Variants in GPC5 observed in about 807,000 individuals in gnomAD.
The protein encoded by GPC5 is glypican-5.
In GPC5, 47 loss-of-function variants were observed where a neutral mutation model predicts 53.9. That is an observed-to-expected ratio of 0.87 (90% CI 0.69 to 1.11). The LOEUF is 1.11. GPC5 is among the 50% of genes most tolerant of loss of function. The pLI is 0.00. For missense variants in GPC5, 748 were observed against 713.1 expected (o/e 1.05, Z -0.56); for synonymous variants, 286 against 263.3 (o/e 1.09, Z -0.84).
chr13:92,703,309 A>G (rs1887823592), intron 7 of GPC5, among the ~76,000 whole-genome samples: 1 of 151,564 alleles, frequency 6.6e-6, no homozygotes, highest in Non-Finnish European at 1.5e-5. Flanking sequence ...GGGCTGGGCT[A>G]AGGAATAGGA....
chr13:92,143,956 A>G (rs979073384), intron 6 of GPC5, among the ~76,000 whole-genome samples: 8 of 152,264 alleles, frequency 5.3e-5, no homozygotes, highest in Middle Eastern at 3.4e-3. Context: ...TTCATAATAT[A>G]CTAGTACCCT....
chr13:92,270,442 G>A (rs1358501547), intron 7 of GPC5, among the ~76,000 whole-genome samples: 1 of 152,142 alleles, frequency 6.6e-6, no homozygotes, highest in African/African-American at 2.4e-5. Context: ...CCTGTGTAAA[G>A]TGCTGGCTCC....
intron 2 of GPC5, among the ~76,000 whole-genome samples, chr13:91,458,159 C>A (rs941575826): frequency 1.3e-5 from 2 of 151,980 alleles, no homozygotes; most frequent in Non-Finnish European, 2.9e-5. Context: ...CTGGGAGAAA[C>A]ACATTCCAGG....
intron 7 of GPC5, among the ~76,000 whole-genome samples, chr13:92,179,486 C>A (rs1057438721): frequency 1.3e-5 from 2 of 152,186 alleles, no homozygotes; most frequent in Non-Finnish European, 2.9e-5. Flanking sequence ...ACTAATTTGT[C>A]GTGGTCTCTC....
intron 7 of GPC5, among the ~76,000 whole-genome samples, chr13:92,807,641 T>C (rs1418478325): frequency 6.6e-6 from 1 of 152,116 alleles, no homozygotes; most frequent in Non-Finnish European, 1.5e-5. Context: ...GGGAACGTTG[T>C]TTATAGAATA....
chr13:92,617,299 T>A (rs752994528), intron 7 of GPC5, among the ~76,000 whole-genome samples: 5 of 152,152 alleles, frequency 3.3e-5, no homozygotes, highest in Non-Finnish European at 7.4e-5. Context: ...TAGAAGCTAG[T>A]GGTATCATAA....
intron 7 of GPC5, among the ~76,000 whole-genome samples, chr13:92,789,866 A>C (rs1321758145): frequency 6.6e-6 from 1 of 152,142 alleles, no homozygotes; most frequent in Non-Finnish European, 1.5e-5. Context: ...GGAGCAGGGA[A>C]GCCAGTCCAA....
intron 2 of GPC5, among the ~76,000 whole-genome samples, chr13:91,526,393 G>A (rs1380916170): frequency 3.3e-5 from 5 of 152,148 alleles, no homozygotes; most frequent in Non-Finnish European, 5.9e-5. Flanking sequence ...TCATAGCCTT[G>A]TGTATGAGTA....
At chr13:91,645,747 C>T (rs2034543612) in intron 2 of GPC5, among the ~76,000 whole-genome samples, 2 of 152,172 alleles carry the variant, frequency 1.3e-5, no homozygotes, top group South Asian at 4.1e-4. Context: ...GTCCTCTATG[C>T]TGATGTTTCT....
chr13:92,509,585 G>A (rs1245739873), intron 7 of GPC5: 1 of 152,168 alleles, frequency 6.6e-6, no homozygotes, highest in Non-Finnish European at 1.5e-5. Context: ...ATAAAGATGT[G>A]ATCGAGATGA....
At chr13:92,772,180 C>A (rs67037212) in intron 7 of GPC5, among the ~76,000 whole-genome samples, 1 of 152,026 alleles carries the variant, frequency 6.6e-6, no homozygotes, top group Non-Finnish European at 1.5e-5. Context: ...CTCCCACTTC[C>A]CTGATTCCAA....
At chr13:91,804,340 G>T (rs1395297652) in intron 5 of GPC5, among the ~76,000 whole-genome samples, 1 of 152,164 alleles carries the variant, frequency 6.6e-6, no homozygotes, top group Non-Finnish European at 1.5e-5. Flanking sequence ...TATAGCTATA[G>T]CTCTCGTCTG....
chr13:92,087,051 T>C (rs543157616), intron 6 of GPC5, among the ~76,000 whole-genome samples: 1 of 152,324 alleles, frequency 6.6e-6, no homozygotes, highest in South Asian at 2.1e-4. Flanking sequence ...AGTGAAAAAT[T>C]ATGTTTAGAT....
chr13:92,670,441 T>C (rs1046141332), intron 7 of GPC5, among the ~76,000 whole-genome samples: 44 of 152,194 alleles, frequency 2.9e-4, no homozygotes, highest in African/African-American at 1.0e-3. Flanking sequence ...CATGCAAAAG[T>C]AGTTTCTCTA....
chr13:91,784,998 A>G (rs768776691), intron 5 of GPC5, among the ~76,000 whole-genome samples: 6 of 152,162 alleles, frequency 3.9e-5, no homozygotes, highest in Non-Finnish European at 8.8e-5. Context: ...ATCTAGCAGC[A>G]GCATTTGACA....
At chr13:92,387,444 C>A (rs1874787034) in intron 7 of GPC5, among the ~76,000 whole-genome samples, 1 of 152,042 alleles carries the variant, frequency 6.6e-6, no homozygotes, top group Non-Finnish European at 1.5e-5. Context: ...ATCTTGATTG[C>A]AAATGTATTT....
At chr13:92,749,140 T>C (rs914608672) in intron 7 of GPC5, among the ~76,000 whole-genome samples, 3 of 152,188 alleles carry the variant, frequency 2.0e-5, no homozygotes, top group Admixed American at 6.5e-5. Flanking sequence ...TTAATGTACT[T>C]AGTGGATTTT....
chr13:92,116,407 T>C (rs1174248729), intron 6 of GPC5, among the ~76,000 whole-genome samples: 2 of 152,206 alleles, frequency 1.3e-5, no homozygotes, highest in African/African-American at 4.8e-5. Context: ...CTTGAACTTC[T>C]AGCCTCCAGA....
intron 7 of GPC5, among the ~76,000 whole-genome samples, chr13:92,157,407 T>C (rs1268974489): frequency 6.6e-6 from 1 of 152,146 alleles, no homozygotes; most frequent in Non-Finnish European, 1.5e-5. Context: ...GTCATATGTG[T>C]TTGCTAATTG....
Sources: gnomAD v4.1 joint callset for allele counts (sites outside exome capture counted in the v4.1 genomes callset) on GRCh38, gnomAD v4.1.1 for gene constraint, MANE v1.5 for transcripts, NCBI Gene and HGNC (gene_info 2026-07-23, HGNC 2026-07-21) for gene names.